Variants in ABCA2 observed in about 807,000 individuals in gnomAD.
ABCA2 encodes the protein ATP binding cassette subfamily A member 2, also known as ATP-binding cassette sub-family A member 2.
In ABCA2, 84 loss-of-function variants were observed where a neutral mutation model predicts 262.8. The ratio of observed to expected loss-of-function variants is 0.32; its 90% CI spans 0.27 to 0.38. The LOEUF is 0.38. Ranked by LOEUF, ABCA2 falls within the 10% of genes least tolerant of loss-of-function variation. The pLI, the probability that ABCA2 is intolerant of heterozygous loss-of-function variation, is 1.00. For synonymous variants in ABCA2, 1,696 were observed against 1,502.9 expected, an observed-to-expected ratio of 1.13 and a Z score of -2.97; for missense variants, 2,662 against 3,405.9, an observed-to-expected ratio of 0.78 and a Z score of 5.44.
Position 137,019,395 on chromosome 9 carries a change from G to A in ABCA2, c.1426-89C>T. On this transcript the variant is annotated intron_variant, in intron 10 of 48. Coordinates refer to ENST00000341511, the MANE Select transcript of ABCA2 (RefSeq NM_001606.5). This position sits in a 1 kb window ranked among gnomAD's most constrained non-coding sequence, Gnocchi z 4.4. ...ACCCCACTCACCTCCCCAGTGGCTG[G>A]TCCATTGCCAACAACTAACCCTCCC... The A allele has an allele frequency of 6.7e-7, 1 of 1,491,784 alleles. No homozygotes were observed. The highest frequency in any genetic ancestry group is 9.1e-7 in the Non-Finnish European group (1 of 1,103,724). The allele number at this position is 1,491,784 out of a possible 1,614,324, so 92.4% of individuals were successfully genotyped here.
chr9:137,010,554 TG>T, intron 40 of ABCA2, 65 bp downstream of exon 40: 1 of 1,521,260 alleles, frequency 6.6e-7, no homozygotes, highest in Non-Finnish European at 9.0e-7. Flanking sequence ...CCTCCACTGC[TG>T]GGGCCCCACC....
rs556271654 is a variant in ABCA2 at position 137,023,370 on chromosome 9, C to G, written c.164-318G>C. On this transcript the variant is annotated intron_variant, in intron 3 of 48. Transcript: ENST00000341511. The stretch of plus-strand genomic sequence containing the variant: ...TGGCACTCTCCCCCCGAAAACGTTT[C>G]AGGTGTGGCACTGCCTACAGAGCCC... The G allele has an allele frequency of 2.2e-4, 155 of 705,542 alleles. 2 individuals are homozygous for G. In the African/African-American group the frequency reaches 2.6e-3, roughly 12 times the overall value. The allele number at this position is 705,542 out of a possible 1,614,324, so 43.7% of individuals were successfully genotyped here. A position where few individuals can be genotyped will look rare whatever the true frequency, so the allele number is the denominator to read the frequency against.
intron 45 of ABCA2, 38 bp downstream of exon 45, chr9:137,009,332 G>GCCCCCCCCCCCCCCCCCCCCGC: frequency 2.0e-6 from 2 of 980,406 alleles, no homozygotes; most frequent in South Asian, 1.4e-5. Context: ...CCCCCCCCGG[G>GCCCCCCCCCCCCCCCCCCCCGC]CCCGCCCCAG....
rs1831423741 is a variant in ABCA2 at position 137,020,824 on chromosome 9, G to A, written c.1135C>T (p.Pro379Ser). ...NGTGAGAVMG[P>S]NATAEEGAPS... is the part of the protein sequence containing the mutation. Reference sequence around the variant, plus strand: ...GCGCCCTCCTCAGCGGTGGCGTTGGGGCCCATGACTGCCCCTGCCCCAGTG... The same window carrying A: ...GCGCCCTCCTCAGCGGTGGCGTTGGAGCCCATGACTGCCCCTGCCCCAGTG... Residue 379 changes from proline (P) to serine (S), a missense_variant, in exon 9 of 49, where the codon CCC (proline) becomes TCC (serine). Pro to Ser is a moderately conservative substitution (Grantham distance 74). This residue lies in a region of ABCA2 where 403 missense variants were observed against 375.9 expected (regional missense o/e 1.07). Transcript: ENST00000341511. 2 of 1,559,008 alleles carry A rather than the reference G, an allele frequency of 1.3e-6. No homozygotes were observed. Among genetic ancestry groups the A allele is most frequent in the East Asian group, 4.8e-5 (2 of 42,074 alleles).
Position 137,016,120 on chromosome 9 carries a change from C to T in ABCA2, c.3159G>A (p.Gly1053=). 3 of 1,612,874 alleles carry T rather than the reference C, an allele frequency of 1.9e-6. No homozygotes were observed. Among genetic ancestry groups the T allele is most frequent in the Non-Finnish European group, 2.5e-6 (3 of 1,180,016 alleles). The change falls in exon 22 of 49, where the codon GGG becomes GGA. Residue 1053 remains glycine (G), a synonymous_variant. Transcript: ENST00000341511. ...CATCCATCTCCGTGCGGATGTCGTG[C>T]CCGTAGATGGTGGCGGAACCCGACG... ...PPTSGSATIY[G]HDIRTEMDEI... is the part of the protein sequence containing the mutation.
Position 137,015,396 on chromosome 9 carries a change from G to A in ABCA2, c.3697+18C>T, listed in dbSNP as rs1831222552. On this transcript the variant is annotated intron_variant, in intron 24 of 48. Transcript: ENST00000341511. ...GAGAAGGTGGCCCGAAGCCAGCTCA[G>A]GCAGCTTCAACACAGACCTTGGGGG... 2 of 1,543,394 alleles carry A rather than the reference G, an allele frequency of 1.3e-6. No homozygotes were observed. The highest frequency in any genetic ancestry group is 1.4e-5 in the African/African-American group (1 of 73,030).
chr9:137,014,325 G>T lies in ABCA2; in HGVS notation c.4083C>A (p.Ala1361=). ...GCGACTGGGTCAGCTCCGAGCACCG[G>T]GCCAGATTGCCAGCGTGACCCTCCC... ...ASGEGHAGNL[A]RCSELTQSQA... The change falls in exon 27 of 49, where the codon GCC becomes GCA. Residue 1361 remains alanine (A), a synonymous_variant. Transcript: ENST00000341511. 1 of 1,609,400 alleles carries T rather than the reference G, an allele frequency of 6.2e-7. No individual in the cohort carries two copies. Among genetic ancestry groups the T allele is most frequent in the Non-Finnish European group, 8.5e-7 (1 of 1,178,530 alleles).
At chr9:137,025,580 C>A (rs1205909454) in intron 1 of ABCA2, among the ~76,000 whole-genome samples, 1 of 152,244 alleles carries the variant, frequency 6.6e-6, no homozygotes, top group Non-Finnish European at 1.5e-5. Flanking sequence ...CCCATGCCCG[C>A]CCCAGCCCGT....
rs764848157 is a variant in ABCA2 at position 137,016,628 on chromosome 9, G to A, written c.2869C>T (p.Arg957Cys). Residue 957 changes from arginine (R) to cysteine (C), a missense_variant, in exon 20 of 49, where the codon CGC (arginine) becomes TGC (cysteine). Coordinates refer to ENST00000341511, the MANE Select transcript of ABCA2 (RefSeq NM_001606.5). The part of the protein sequence containing the change: ...EWSWPWARTP[R>C]LSVMEEDQAC... ...TGGTCCTCCTCCATGACACTGAGGC[G>A]GGGGGTGCGTGCCCACGGCCAGCTC... is the stretch of plus-strand genomic sequence containing the variant. 10 of 1,610,266 alleles carry A rather than the reference G, an allele frequency of 6.2e-6. No homozygotes were observed. The highest frequency in any genetic ancestry group is 5.0e-5 in the Admixed American group (3 of 59,852).
At chr9:137,013,729 G>A (rs768449713) in intron 28 of ABCA2, 103 bp downstream of exon 28, 11 of 1,403,114 alleles carry the variant, frequency 7.8e-6, no homozygotes, top group Non-Finnish European at 1.1e-5. Flanking sequence ...TCAGGTGTGG[G>A]GTGAGGCCCA....
chr9:137,022,034 T>G (rs1167343895), intron 6 of ABCA2, 33 bp from the exon 7 acceptor site: 1 of 224,336 alleles, frequency 4.5e-6, no homozygotes, highest in Non-Finnish European at 7.0e-6. Flanking sequence ...TCAGATGGGG[T>G]GTGGGGGGCG....
intron 5 of ABCA2, 85 bp downstream of exon 5, chr9:137,022,617 G>A: frequency 1.9e-6 from 3 of 1,558,670 alleles, no homozygotes; most frequent in East Asian, 2.3e-5. Context: ...AGGTGGAGGG[G>A]CCCAGAGTGG....
chr9:137,010,805 C>T lies in ABCA2; in HGVS notation c.6057-68G>A, dbSNP rs530351497. ...CACTGCCCCTCCCTGCCACCAGCCT[C>T]GCATCCTCTGGCTGTGGCATGTAAG... On this transcript the variant is annotated intron_variant, in intron 39 of 48. Transcript: ENST00000341511. The T allele has an allele frequency of 9.5e-5, 144 of 1,521,320 alleles. No homozygotes were observed. In the African/African-American group the frequency reaches 1.6e-3, roughly 17 times the overall value. The allele number at this position is 1,521,320 out of a possible 1,614,324, so 94.2% of individuals were successfully genotyped here.
At chr9:137,024,039 G>A (rs1831568649) in intron 2 of ABCA2, 104 bp downstream of exon 2, 9 of 1,513,980 alleles carry the variant, frequency 5.9e-6, no homozygotes, top group Non-Finnish European at 8.0e-6. Flanking sequence ...CGCACCTCAG[G>A]GACTCCGGGA....
At position 137,008,953 on chromosome 9, in the gene ABCA2, T is replaced by C; in HGVS notation, c.6928A>G (p.Lys2310Glu). Residue 2310 changes from lysine to glutamate, a missense_variant and splice_region_variant, in exon 46 of 49, where the codon AAG becomes GAG. This residue lies in a region of ABCA2 where 212 missense variants were observed against 214.4 expected (regional missense o/e 0.99). Transcript: ENST00000341511. The stretch of plus-strand genomic sequence containing the variant: ...CAACCCTGCCCGGGACGGCGCACCT[T>C]GAGCATGGCTTCCGGGAAGTTGCGG... ...FNRNFPEAMLKERHHTKVQYQ... is the reference protein window; with the variant it reads ...FNRNFPEAMLEERHHTKVQYQ... 1 of 1,557,840 alleles carries C rather than the reference T, an allele frequency of 6.4e-7. No individual in the cohort carries two copies. Among genetic ancestry groups the C allele is most frequent in the Admixed American group, 1.9e-5 (1 of 53,660 alleles).
At chr9:137,023,234 T>C in intron 3 of ABCA2, 182 bp from the exon 4 acceptor site, 1 of 633,436 alleles carries the variant, frequency 1.6e-6, no homozygotes, top group Non-Finnish European at 2.8e-6. Context: ...GGCCAAGCGT[T>C]CTGGGGCGAA....
chr9:137,020,540 G>A, intron 9 of ABCA2, 45 bp from the exon 10 acceptor site: 1 of 1,551,100 alleles, frequency 6.4e-7, no homozygotes, highest in Non-Finnish European at 8.7e-7. Flanking sequence ...TAGGGGGCAG[G>A]GCCGCGAGAG....
In ABCA2 at chr9:137,019,786, C is replaced by G; in HGVS notation, c.1426-480G>C. Reference sequence around the variant, plus strand: ...GCCCTCCACTCCCAGGGCAGCACGGCCTCCGGACCCCCAACTGCCCAGCTG... The same window carrying G: ...GCCCTCCACTCCCAGGGCAGCACGGGCTCCGGACCCCCAACTGCCCAGCTG... On this transcript the variant is annotated intron_variant, in intron 10 of 48. Transcript: ENST00000341511. This position sits in a 1 kb window ranked among gnomAD's most constrained non-coding sequence, Gnocchi z 4.4. 5.2e-6 allele frequency: 1 copy of G among 193,720 alleles called. No individual in the cohort carries two copies. Among genetic ancestry groups the G allele is most frequent in the Non-Finnish European group, 1.1e-5 (1 of 92,708 alleles). The allele number at this position is 193,720 out of a possible 1,614,324, so 12.0% of individuals were successfully genotyped here.
chr9:137,013,820 C>G lies in ABCA2; in HGVS notation c.4447+12G>C. 6.3e-7 allele frequency: 1 copy of G among 1,594,664 alleles called. No homozygotes were observed. Among genetic ancestry groups the G allele is most frequent in the Non-Finnish European group, 8.5e-7 (1 of 1,171,574 alleles). ...AGGCAAGCCCAGCACCCCTGTCCAG[C>G]CGGTGGCCTACCAATCTCCGGGACG... On this transcript the variant is annotated intron_variant, in intron 28 of 48. Coordinates refer to ENST00000341511, the MANE Select transcript of ABCA2 (RefSeq NM_001606.5).
Sources: gnomAD v4.1 joint callset for allele counts (sites outside exome capture counted in the v4.1 genomes callset) on GRCh38, gnomAD v4.1.1 for gene constraint, gnomAD v4.1.1 regional missense constraint, Gnocchi (gnomAD v3.1) non-coding constraint, MANE v1.5 for transcripts, NCBI Gene and HGNC (gene_info 2026-07-23, HGNC 2026-07-21) for gene names.